The following ROR2 variants were observed in gnomAD, a reference collection of about 807,000 sequenced individuals.
ROR2 encodes tyrosine-protein kinase transmembrane receptor ROR2.
ROR2 carries 33 observed loss-of-function variants against 74.9 expected under a neutral mutation model. The ratio of observed to expected loss-of-function variants is 0.44; its 90% CI spans 0.33 to 0.59. The LOEUF is 0.59. ROR2 is among the 20% of genes least tolerant of loss of function. The pLI is 0.02. For synonymous variants in ROR2, 586 were observed against 558.7 expected (o/e 1.05, Z -0.69); for missense variants, 1,216 against 1,313.8 (o/e 0.93, Z 1.15).
intron 1 of ROR2, among the ~76,000 whole-genome samples, chr9:91,922,108 A>ACAACAG (rs1831283988): frequency 7.1e-6 from 1 of 140,982 alleles, no homozygotes; most frequent in African/African-American, 2.5e-5. Context: ...AGCAACAACA[A>ACAACAG]CAACAACAAC....
At position 91,914,160 on chromosome 9, in the gene ROR2, A is replaced by T. The variant is rs373242156; in HGVS notation, c.97+35707T>A. On this transcript the variant is annotated intron_variant, in intron 1 of 8. Transcript: ENST00000375708. ...CCACGCTCCACTGTCTGGCCACCTT[A>T]TACTGTGTGTAAGCTAAGAACTCAA... 8.5e-5 allele frequency among the ~76,000 whole-genome samples: 13 copies of T among 152,078 alleles called. No homozygotes were observed. The East Asian group carries it at 1.3e-3, about 16-fold the overall frequency.
intron 1 of ROR2, among the ~76,000 whole-genome samples, chr9:91,877,214 T>C (rs1166103921): frequency 6.6e-6 from 1 of 152,196 alleles, no homozygotes; most frequent in Non-Finnish European, 1.5e-5. Context: ...AACTTACCCT[T>C]TAAATGCAGC....
chr9:91,749,688 A>T (rs1825543685), intron 4 of ROR2, among the ~76,000 whole-genome samples: 1 of 152,214 alleles, frequency 6.6e-6, no homozygotes, highest in African/African-American at 2.4e-5. Flanking sequence ...ATCTATAGAA[A>T]TTTCACACAG....
chr9:91,887,051 G>A (rs987054268), intron 1 of ROR2: 4 of 152,164 alleles, frequency 2.6e-5, no homozygotes, highest in African/African-American at 9.7e-5. Context: ...ACAAAGGCAA[G>A]GCTTGCTAGG....
At chr9:91,786,005 C>T (rs993544830) in intron 1 of ROR2, among the ~76,000 whole-genome samples, 2 of 152,190 alleles carry the variant, frequency 1.3e-5, no homozygotes, top group Non-Finnish European at 1.5e-5. Flanking sequence ...AGAAGTGTCT[C>T]CAATACATTT....
At chr9:91,936,726 A>C (rs1394568732) in intron 1 of ROR2, among the ~76,000 whole-genome samples, 2 of 152,138 alleles carry the variant, frequency 1.3e-5, no homozygotes, top group African/African-American at 4.8e-5. Flanking sequence ...CCACCTCAAC[A>C]ATCTTTTAGA....
intron 1 of ROR2, among the ~76,000 whole-genome samples, chr9:91,845,653 G>A (rs1001877831): frequency 5.9e-5 from 9 of 152,104 alleles, no homozygotes; most frequent in South Asian, 2.1e-4. Flanking sequence ...AGGCTGAGGC[G>A]GGCGGATCAC....
chr9:91,923,580 G>C (rs1209934071), intron 1 of ROR2: 2 of 152,126 alleles, frequency 1.3e-5, no homozygotes, highest in Non-Finnish European at 2.9e-5. Context: ...CTGAACAAAG[G>C]CTTTCTTTTT....
intron 1 of ROR2, among the ~76,000 whole-genome samples, chr9:91,908,263 C>G (rs1185849451): frequency 2.0e-5 from 3 of 152,248 alleles, no homozygotes; most frequent in Non-Finnish European, 4.4e-5. Context: ...GTATTTAAAG[C>G]TGTGCCTGGG....
intron 1 of ROR2, among the ~76,000 whole-genome samples, chr9:91,839,220 C>A (rs1828702770): frequency 6.6e-6 from 1 of 151,286 alleles, no homozygotes; most frequent in South Asian, 2.1e-4. Context: ...CTCCAATATC[C>A]TGGCCTGATT....
At chr9:91,848,277 GAAATT>G (rs1171922322) in intron 1 of ROR2, among the ~76,000 whole-genome samples, 2 of 152,172 alleles carry the variant, frequency 1.3e-5, no homozygotes, top group African/African-American at 4.8e-5. Context: ...GTGAAGCATG[GAAATT>G]AAATTAAATT....
chr9:91,746,418 T>C (rs3935601), intron 4 of ROR2, among the ~76,000 whole-genome samples: 81,223 of 152,146 alleles, frequency 0.53, 21,794 homozygotes, highest in Non-Finnish European at 0.55. Flanking sequence ...TACCAGCTTC[T>C]TACTTGGCAC....
intron 1 of ROR2, among the ~76,000 whole-genome samples, chr9:91,912,333 T>A (rs896916881): frequency 1.3e-5 from 2 of 152,204 alleles, no homozygotes; most frequent in Admixed American, 1.3e-4. Context: ...ATTAGTACAG[T>A]AGCAAAATTA....
chr9:91,740,031 T>C lies in ROR2; in HGVS notation c.495-2513A>G, dbSNP rs192156382. Reference sequence around the variant, plus strand: ...TGAGATTCAGATCAGTCCCTTGGGATGCCCCCACAAGTGTAAGCCATTTCT... The same window carrying C: ...TGAGATTCAGATCAGTCCCTTGGGACGCCCCCACAAGTGTAAGCCATTTCT... On this transcript the variant is annotated intron_variant, in intron 4 of 8. Coordinates refer to ENST00000375708, the MANE Select transcript of ROR2 (RefSeq NM_004560.4). Among the ~76,000 whole-genome samples, 3 of 152,332 alleles carry C rather than the reference T, an allele frequency of 2.0e-5. No homozygotes were observed. The East Asian group carries it at 5.8e-4, about 29-fold the overall frequency.
intron 1 of ROR2, among the ~76,000 whole-genome samples, chr9:91,801,606 C>T (rs913738038): frequency 7.2e-5 from 11 of 152,134 alleles, no homozygotes; most frequent in South Asian, 2.1e-4. Context: ...CTAGGATTAC[C>T]GGCGTGAGCC....
chr9:91,772,658 G>A (rs1199130429), intron 2 of ROR2, among the ~76,000 whole-genome samples: 8 of 152,144 alleles, frequency 5.3e-5, no homozygotes, highest in African/African-American at 7.2e-5. Context: ...TTTAGCGTCC[G>A]TGTTTCTGTG....
At chr9:91,769,695 G>A (rs1826168824) in intron 2 of ROR2, among the ~76,000 whole-genome samples, 1 of 152,100 alleles carries the variant, frequency 6.6e-6, no homozygotes, top group Non-Finnish European at 1.5e-5. Flanking sequence ...CTCTCTCAGT[G>A]GGGCTCAGCC....
chr9:91,914,020 C>T (rs1223234547), intron 1 of ROR2, among the ~76,000 whole-genome samples: 4 of 152,046 alleles, frequency 2.6e-5, no homozygotes, highest in Non-Finnish European at 5.9e-5. Flanking sequence ...ATGGTAAAGT[C>T]TCTCTGGAGA....
intron 1 of ROR2, among the ~76,000 whole-genome samples, chr9:91,835,042 G>A (rs1172798671): frequency 6.6e-6 from 1 of 152,174 alleles, no homozygotes; most frequent in African/African-American, 2.4e-5. Context: ...CTGAGGCCAG[G>A]CATGTCTTAC....
Sources: allele counts gnomAD v4.1 joint callset (sites outside exome capture counted in the v4.1 genomes callset), GRCh38; gene constraint gnomAD v4.1.1; transcripts MANE v1.5; gene names NCBI Gene and HGNC (gene_info 2026-07-23, HGNC 2026-07-21).